Variants in TBC1D14 observed in about 807,000 individuals in gnomAD.
TBC1D14 encodes TBC1 domain family member 14, also known as TBC1 domain family, member 14.
A neutral mutation model predicts 79.0 loss-of-function variants in TBC1D14; 26 were observed. That is an observed-to-expected ratio of 0.33 (90% confidence interval 0.24 to 0.46). TBC1D14 has a LOEUF of 0.46. Ranked by LOEUF, TBC1D14 falls within the 20% of genes least tolerant of loss-of-function variation. The probability of loss-of-function intolerance (pLI) is 1.00; values close to 1 mark genes in which losing one functional copy is unlikely to be tolerated. For missense variants in TBC1D14, 769 were observed against 887.6 expected (o/e 0.87, Z 1.70); for synonymous variants, 394 against 349.9 (o/e 1.13, Z -1.40).
At chr4:7,019,744 A>C (rs1721630809) in intron 12 of TBC1D14, among the ~76,000 whole-genome samples, 1 of 129,428 alleles carries the variant, frequency 7.7e-6, no homozygotes. Context: ...TGGGTATGTG[A>C]ACCCCGCTGG....
intron 11 of TBC1D14, among the ~76,000 whole-genome samples, chr4:7,012,118 A>G (rs764983548): frequency 1.7e-4 from 26 of 151,756 alleles, no homozygotes; most frequent in Non-Finnish European, 3.2e-4. Flanking sequence ...TGGCTAACAC[A>G]GTGAAACCCC....
At chr4:6,952,660 A>T (rs1354648112) in intron 2 of TBC1D14, among the ~76,000 whole-genome samples, 3 of 152,200 alleles carry the variant, frequency 2.0e-5, no homozygotes, top group Middle Eastern at 3.2e-3. Context: ...CCTTGCATAC[A>T]TATAAACACA....
At chr4:7,009,498 G>A (rs1237461610) in intron 9 of TBC1D14, among the ~76,000 whole-genome samples, 1 of 152,212 alleles carries the variant, frequency 6.6e-6, no homozygotes, top group Non-Finnish European at 1.5e-5. Flanking sequence ...GGGCACAGTG[G>A]GAGACGGCCT....
intron 1 of TBC1D14, among the ~76,000 whole-genome samples, chr4:6,921,113 C>T (rs1018078991): frequency 6.6e-6 from 1 of 152,162 alleles, no homozygotes; most frequent in African/African-American, 2.4e-5. Context: ...GCAGTTGATG[C>T]CAGTGTTCTC....
At chr4:6,979,797 A>C (rs1020795814) in intron 3 of TBC1D14, among the ~76,000 whole-genome samples, 18 of 152,250 alleles carry the variant, frequency 1.2e-4, no homozygotes, top group Non-Finnish European at 2.1e-4. Context: ...TATTAATATT[A>C]TAAAAAGTAG....
intron 12 of TBC1D14, among the ~76,000 whole-genome samples, chr4:7,022,390 C>T (rs1307139943): frequency 6.6e-6 from 1 of 152,222 alleles, no homozygotes; most frequent in Non-Finnish European, 1.5e-5. Context: ...TCAGGAGCGT[C>T]CCTTCACTGA....
intron 7 of TBC1D14, among the ~76,000 whole-genome samples, chr4:7,002,617 C>T (rs545526869): frequency 6.6e-6 from 1 of 152,174 alleles, no homozygotes; most frequent in Non-Finnish European, 1.5e-5. Context: ...CAGTGGCCCC[C>T]GCTAGCACTG....
At chr4:6,919,211 AT>A (rs1723639120) in intron 1 of TBC1D14, among the ~76,000 whole-genome samples, 1 of 150,556 alleles carries the variant, frequency 6.6e-6, no homozygotes, top group South Asian at 2.1e-4. Flanking sequence ...CAGTGGCATC[AT>A]TTCAGCTCAC....
At chr4:6,974,200 G>C (rs2109070050) in intron 3 of TBC1D14, among the ~76,000 whole-genome samples, 1 of 152,256 alleles carries the variant, frequency 6.6e-6, no homozygotes, top group Admixed American at 6.5e-5. Flanking sequence ...GCATTCTTAT[G>C]AGAGCAGCAG....
At chr4:6,987,552 G>C in intron 3 of TBC1D14, 2 of 421,994 alleles carry the variant, frequency 4.7e-6, no homozygotes, top group Non-Finnish European at 8.2e-6. Flanking sequence ...CTGCTGATGC[G>C]CTCTCCTCCC....
chr4:6,962,379 G>A (rs1715304690), intron 2 of TBC1D14, among the ~76,000 whole-genome samples: 1 of 152,118 alleles, frequency 6.6e-6, no homozygotes, highest in African/African-American at 2.4e-5. Flanking sequence ...GATATCGATT[G>A]TTTACTTGCC....
intron 4 of TBC1D14, among the ~76,000 whole-genome samples, chr4:6,995,930 G>A (rs1198909120): frequency 6.6e-6 from 1 of 150,480 alleles, no homozygotes; most frequent in Non-Finnish European, 1.5e-5. Flanking sequence ...TCCGCCTCCT[G>A]GGTTCACACC....
intron 2 of TBC1D14, among the ~76,000 whole-genome samples, chr4:6,933,814 C>G (rs1481243177): frequency 6.6e-6 from 1 of 152,174 alleles, no homozygotes; most frequent in Non-Finnish European, 1.5e-5. Flanking sequence ...TGAGAGGAGG[C>G]TTCCGGGCAG....
chr4:6,934,657 C>CAA (rs199916032), intron 2 of TBC1D14, among the ~76,000 whole-genome samples: 1 of 128,430 alleles, frequency 7.8e-6, no homozygotes, highest in Non-Finnish European at 1.7e-5. Flanking sequence ...GACTCTGTCT[C>CAA]AAAAAAACAA....
chr4:6,979,971 C>T (rs1717218455), intron 3 of TBC1D14, among the ~76,000 whole-genome samples: 1 of 152,168 alleles, frequency 6.6e-6, no homozygotes, highest in African/African-American at 2.4e-5. Flanking sequence ...GGAGTGTCAA[C>T]AGTCCTCACT....
intron 2 of TBC1D14, among the ~76,000 whole-genome samples, chr4:6,927,270 C>T (rs575958769): frequency 2.6e-5 from 4 of 151,582 alleles, no homozygotes; most frequent in Non-Finnish European, 4.4e-5. Context: ...GCTATGGGGG[C>T]GGGCACAAGT....
chr4:6,923,998 C>T lies in TBC1D14; in HGVS notation c.609C>T (p.Val203=). ...ENDDDPQFTN[V]TLSSIKETRG... Reference sequence around the variant, plus strand: ...ACGATGACCCACAGTTTACCAACGTCACCTTGAGCTCTATCAAGGAAACCC... The same window carrying T: ...ACGATGACCCACAGTTTACCAACGTTACCTTGAGCTCTATCAAGGAAACCC... The change falls in exon 2 of 14, where the codon GTC becomes GTT. Residue 203 remains valine (V), a synonymous_variant. Coordinates refer to ENST00000409757, the MANE Select transcript of TBC1D14 (RefSeq NM_020773.3). 2 of 1,614,168 alleles carry T rather than the reference C, an allele frequency of 1.2e-6. No homozygotes were observed. The highest frequency in any genetic ancestry group is 1.7e-6 in the Non-Finnish European group (2 of 1,180,030).
At chr4:6,940,675 G>C (rs1560264155) in intron 2 of TBC1D14, among the ~76,000 whole-genome samples, 1 of 152,204 alleles carries the variant, frequency 6.6e-6, no homozygotes, top group East Asian at 1.9e-4. Context: ...GTGCCTTCCA[G>C]TGAGGGGACA....
At chr4:6,951,542 C>A (rs1011134510) in intron 2 of TBC1D14, among the ~76,000 whole-genome samples, 6 of 152,088 alleles carry the variant, frequency 3.9e-5, no homozygotes, top group African/African-American at 1.2e-4. Flanking sequence ...AACACTTTCA[C>A]AAGGGAATTT....
Sources: gnomAD v4.1 joint callset for allele counts (sites outside exome capture counted in the v4.1 genomes callset) on GRCh38, gnomAD v4.1.1 for gene constraint, MANE v1.5 for transcripts, NCBI Gene and HGNC (gene_info 2026-07-23, HGNC 2026-07-21) for gene names.